CCDC148: variants seen among roughly 807,000 people sequenced by gnomAD.
The protein encoded by CCDC148 is coiled-coil domain containing 148, also known as coiled-coil domain-containing protein 148.
A neutral mutation model predicts 85.7 loss-of-function variants in CCDC148; 89 were observed. The ratio of observed to expected loss-of-function variants is 1.04; its 90% CI spans 0.87 to 1.24. CCDC148 has a LOEUF of 1.24. Among genes scored for constraint, CCDC148 ranks in the 50% most tolerant of loss-of-function variants. The probability of loss-of-function intolerance (pLI) is 0.00; values close to 1 mark genes in which losing one functional copy is unlikely to be tolerated. For missense variants in CCDC148, 692 were observed against 671.7 expected, an observed-to-expected ratio of 1.03 and a Z score of -0.33; for synonymous variants, 230 against 213.9, an observed-to-expected ratio of 1.08 and a Z score of -0.66.
At chr2:158,436,056 C>T (rs372675743) in intron 1 of CCDC148, among the ~76,000 whole-genome samples, 29 of 152,134 alleles carry the variant, frequency 1.9e-4, no homozygotes, top group Non-Finnish European at 3.8e-4. Context: ...CTGTCAACAT[C>T]AGACAGATCA....
At chr2:158,208,318 G>T (rs895942341) in intron 11 of CCDC148, among the ~76,000 whole-genome samples, 9 of 150,524 alleles carry the variant, frequency 6.0e-5, no homozygotes, top group African/African-American at 1.5e-4. Context: ...TCTAACTAAA[G>T]CTGTGAACTG....
At chr2:158,413,884 T>A (rs1686377049) in intron 1 of CCDC148, among the ~76,000 whole-genome samples, 1 of 152,196 alleles carries the variant, frequency 6.6e-6, no homozygotes, top group South Asian at 2.1e-4. Context: ...ATTTTTATCA[T>A]ATCTGCCTTA....
chr2:158,248,331 C>A (rs535262424), intron 10 of CCDC148, among the ~76,000 whole-genome samples: 27 of 152,072 alleles, frequency 1.8e-4, no homozygotes, highest in African/African-American at 6.0e-4. Flanking sequence ...TTTTAAAAAT[C>A]TGAAACAAAA....
rs116329755 is a variant in CCDC148, at chr2:158,249,133, T to A, written c.1251+1639A>T. On this transcript the variant is annotated intron_variant, in intron 10 of 13. Coordinates refer to ENST00000283233, the MANE Select transcript of CCDC148 (RefSeq NM_138803.4). ...CCGACTCCCATTCTCAATACTTGAG[T>A]TATTTAATTTGCATGGCTTTACCTG... 6.2e-3 allele frequency among the ~76,000 whole-genome samples: 943 copies of A among 152,254 alleles called. 11 individuals carry two copies. The highest frequency in any genetic ancestry group is 0.022 in the African/African-American group (904 of 41,542).
intron 11 of CCDC148, among the ~76,000 whole-genome samples, chr2:158,182,490 G>C (rs1221408016): frequency 6.6e-6 from 1 of 152,142 alleles, no homozygotes; most frequent in Non-Finnish European, 1.5e-5. Context: ...ACATCCCACA[G>C]AGGTGGATGA....
At chr2:158,384,351 T>C (rs1419974577) in intron 1 of CCDC148, among the ~76,000 whole-genome samples, 2 of 152,168 alleles carry the variant, frequency 1.3e-5, no homozygotes, top group East Asian at 1.9e-4. Flanking sequence ...TCTGTGTCCC[T>C]ACCCAAATCT....
At position 158,176,574 on chromosome 2, in the gene CCDC148, C is replaced by T; in HGVS notation, c.1576G>A (p.Glu526Lys). The stretch of plus-strand genomic sequence containing the variant: ...AAGAGTGGCTTTTGAAGAATAAATT[C>T]TTCTTCAATTTCAATGCCCATTCTA... The part of the protein sequence containing the change: ...KARMGIEIEE[E>K]FILQKPLFTL... Residue 526 changes from glutamate (E) to lysine (K), a missense_variant, in exon 13 of 14, where the codon GAA (glutamate) becomes AAA (lysine). Coordinates refer to ENST00000283233, the MANE Select transcript of CCDC148 (RefSeq NM_138803.4). The T allele has an allele frequency of 6.2e-7, 1 of 1,611,456 alleles. No homozygotes were observed. Among genetic ancestry groups the T allele is most frequent in the Non-Finnish European group, 8.5e-7 (1 of 1,178,410 alleles).
At chr2:158,420,617 C>A (rs1359605043) in intron 1 of CCDC148, among the ~76,000 whole-genome samples, 3 of 152,118 alleles carry the variant, frequency 2.0e-5, no homozygotes, top group African/African-American at 7.2e-5. Context: ...CAACCAGTAC[C>A]AGCCACTGCA....
At position 158,339,100 on chromosome 2, in the gene CCDC148, G is replaced by A; in HGVS notation, c.487-15C>T. 1 of 1,574,030 alleles carries A rather than the reference G, an allele frequency of 6.4e-7. No homozygotes were observed. ...ACAAAGTCAACCTATAGGACATTTG[G>A]AACAAGTAGTAGGCAAATTATTGCA... On this transcript the variant is annotated splice_polypyrimidine_tract_variant and intron_variant, in intron 5 of 13. Transcript: ENST00000283233.
chr2:158,189,942 G>A (rs1055421321), intron 11 of CCDC148, among the ~76,000 whole-genome samples: 1 of 151,958 alleles, frequency 6.6e-6, no homozygotes, highest in African/African-American at 2.4e-5. Flanking sequence ...AAATTAAAAA[G>A]TGATGGAAAG....
intron 10 of CCDC148, among the ~76,000 whole-genome samples, chr2:158,224,239 T>C (rs1687364801): frequency 6.6e-6 from 1 of 152,016 alleles, no homozygotes; most frequent in African/African-American, 2.4e-5. Context: ...ATGAATGAAA[T>C]GAAGCGAGAA....
chr2:158,456,264 GAA>G lies in CCDC148; in HGVS notation c.25+149_25+150del. On this transcript the variant is annotated intron_variant, in intron 1 of 13. Transcript: ENST00000283233. ...AAGGAAATCCTCTTTGAGTCTTTCA[GAA>G]GAGTTATGAGTTTGAGGACCCAAAA... The G allele has an allele frequency of 3.8e-6, 3 of 781,752 alleles. No individual in the cohort carries two copies. The East Asian group carries it at 8.0e-5, about 21-fold the overall frequency. The allele number at this position is 781,752 out of a possible 1,614,324, so 48.4% of individuals were successfully genotyped here.
intron 9 of CCDC148, among the ~76,000 whole-genome samples, chr2:158,264,096 T>C (rs1689352128): frequency 6.6e-6 from 1 of 151,872 alleles, no homozygotes. Flanking sequence ...AATAAGACCA[T>C]TTTGGAGCTA....
intron 11 of CCDC148, among the ~76,000 whole-genome samples, chr2:158,193,783 C>A (rs1287312542): frequency 6.6e-6 from 1 of 151,738 alleles, no homozygotes; most frequent in Non-Finnish European, 1.5e-5. Context: ...ATATGAAGTA[C>A]CTTATATTTT....
At chr2:158,333,683 T>G (rs1693269178) in intron 7 of CCDC148, among the ~76,000 whole-genome samples, 1 of 152,190 alleles carries the variant, frequency 6.6e-6, no homozygotes, top group Non-Finnish European at 1.5e-5. Flanking sequence ...GAACATGCTT[T>G]AGGATCTGGG....
chr2:158,248,336 A>G (rs1436338919), intron 10 of CCDC148, among the ~76,000 whole-genome samples: 1 of 152,166 alleles, frequency 6.6e-6, no homozygotes, highest in Admixed American at 6.5e-5. Context: ...AAAATCTGAA[A>G]CAAAATGAAA....
intron 1 of CCDC148, among the ~76,000 whole-genome samples, chr2:158,455,854 C>T (rs1359501381): frequency 1.3e-5 from 2 of 152,164 alleles, no homozygotes; most frequent in African/African-American, 4.8e-5. Flanking sequence ...AAGTAGAAGA[C>T]ATTATTAAAG....
intron 9 of CCDC148, among the ~76,000 whole-genome samples, chr2:158,277,014 T>C (rs960941942): frequency 2.6e-5 from 4 of 152,232 alleles, no homozygotes; most frequent in Admixed American, 2.0e-4. Context: ...TACATGCAAA[T>C]CACAGAAGTT....
Position 158,456,680 on chromosome 2 carries a change from C to T in CCDC148, c.-241G>A, listed in dbSNP as rs536131392. The T allele has an allele frequency of 8.7e-6, 5 of 573,158 alleles. No individual in the cohort carries two copies. Among genetic ancestry groups the T allele is most frequent in the East Asian group, 3.0e-5 (1 of 33,792 alleles). 35.5% of individuals were successfully genotyped at this position (573,158 alleles called of 1,614,324 possible). A position where few individuals can be genotyped will look rare whatever the true frequency, so the allele number is the denominator to read the frequency against. ...CCTCTCCGCCACCCCCTCCCGCGCC[C>T]GAGACCTGAGACACCTTCTCTCTCA... On this transcript the variant is annotated 5_prime_UTR_variant, in exon 1 of 14. Coordinates refer to ENST00000283233, the MANE Select transcript of CCDC148 (RefSeq NM_138803.4).
Sources: allele counts gnomAD v4.1 joint callset (sites outside exome capture counted in the v4.1 genomes callset), GRCh38; gene constraint gnomAD v4.1.1; transcripts MANE v1.5; gene names NCBI Gene and HGNC (gene_info 2026-07-23, HGNC 2026-07-21).